The following ATG16L1 variants were observed in gnomAD, a reference collection of about 807,000 sequenced individuals.
ATG16L1 encodes the protein autophagy related 16 like 1.
In ATG16L1, 37 loss-of-function variants were observed where a neutral mutation model predicts 88.5. That is an observed-to-expected ratio of 0.42 (90% CI 0.32 to 0.55). The LOEUF (loss-of-function observed/expected upper bound fraction) is 0.55, where lower values mean the gene tolerates loss of function less well. Ranked by LOEUF, ATG16L1 falls within the 20% of genes least tolerant of loss-of-function variation. The pLI is 0.13. For synonymous variants in ATG16L1, 301 were observed against 281.0 expected, an observed-to-expected ratio of 1.07 and a Z score of -0.71; for missense variants, 554 against 752.8, an observed-to-expected ratio of 0.74 and a Z score of 3.09.
chr2:233,286,713 C>T (rs1226494776), intron 12 of ATG16L1, among the ~76,000 whole-genome samples: 1 of 146,940 alleles, frequency 6.8e-6, no homozygotes, highest in South Asian at 2.2e-4. Flanking sequence ...GCAAGCTCTG[C>T]CTCCTGGGTT....
At chr2:233,276,497 C>T (rs1698382506) in intron 9 of ATG16L1, among the ~76,000 whole-genome samples, 1 of 152,162 alleles carries the variant, frequency 6.6e-6, no homozygotes, top group Non-Finnish European at 1.5e-5. Flanking sequence ...GAATGGGATG[C>T]TGAGTCTCAC....
chr2:233,266,367 G>A (rs941687907), intron 5 of ATG16L1, among the ~76,000 whole-genome samples: 1 of 152,308 alleles, frequency 6.6e-6, no homozygotes, highest in Admixed American at 6.5e-5. Context: ...GCTGCTGCGG[G>A]AGAGTTGCTT....
chr2:233,262,463 C>T (rs908102026), intron 2 of ATG16L1, among the ~76,000 whole-genome samples: 1 of 152,212 alleles, frequency 6.6e-6, no homozygotes, highest in African/African-American at 2.4e-5. Context: ...TTCCCCACCT[C>T]GTCCTTGACC....
At chr2:233,252,271 C>T (rs1386542315) in intron 1 of ATG16L1, among the ~76,000 whole-genome samples, 1 of 152,184 alleles carries the variant, frequency 6.6e-6, no homozygotes, top group East Asian at 1.9e-4. Flanking sequence ...GTTAATGAAA[C>T]GGTCGTTGAC....
intron 12 of ATG16L1, among the ~76,000 whole-genome samples, chr2:233,286,869 C>T (rs1476398122): frequency 6.6e-6 from 1 of 151,842 alleles, no homozygotes; most frequent in African/African-American, 2.4e-5. Flanking sequence ...TTGTGATCCG[C>T]TCACCTCGGC....
chr2:233,294,254 A>G lies in ATG16L1; in HGVS notation c.1731-3A>G, dbSNP rs765778356. 6.3e-7 allele frequency: 1 copy of G among 1,597,962 alleles called. No homozygotes were observed. Among genetic ancestry groups the G allele is most frequent in the Non-Finnish European group, 8.5e-7 (1 of 1,172,434 alleles). On this transcript the variant is annotated splice_region_variant and splice_polypyrimidine_tract_variant and intron_variant, in intron 17 of 17. Coordinates refer to ENST00000392017, the MANE Select transcript of ATG16L1 (RefSeq NM_030803.7). Reference sequence around the variant, plus strand: ...TGGTGCTTTTCTGATCTCTCCTTTGAAGCTCATCCATCAATGCGGTGGCGT... The same window carrying G: ...TGGTGCTTTTCTGATCTCTCCTTTGGAGCTCATCCATCAATGCGGTGGCGT...
intron 5 of ATG16L1, among the ~76,000 whole-genome samples, chr2:233,265,610 C>T (rs1023385303): frequency 1.3e-5 from 2 of 152,164 alleles, no homozygotes; most frequent in African/African-American, 2.4e-5. Context: ...GCTGGGATTA[C>T]AGGCATACAC....
Position 233,295,394 on chromosome 2 carries a change from T to C in ATG16L1, c.*1044T>C, listed in dbSNP as rs1458406831. The C allele has an allele frequency of 1.3e-5, 2 of 152,722 alleles. No individual in the cohort carries two copies. Among genetic ancestry groups the C allele is most frequent in the Non-Finnish European group, 2.9e-5 (2 of 68,028 alleles). The allele number at this position is 152,722 out of a possible 1,614,324, so 9.5% of individuals were successfully genotyped here. A position where few individuals can be genotyped will look rare whatever the true frequency, so the allele number is the denominator to read the frequency against. On this transcript the variant is annotated 3_prime_UTR_variant, in exon 18 of 18. Transcript: ENST00000392017. ...TTATCACTTTTAAATTTGCACTTTA[T>C]TTTTTTTCTTCCATGCTTGTTCTCT...
chr2:233,293,118 A>G (rs1459471203), intron 16 of ATG16L1, 138 bp from the exon 17 acceptor site: 2 of 745,568 alleles, frequency 2.7e-6, no homozygotes, highest in Non-Finnish European at 2.3e-6. Flanking sequence ...GGCCATGACT[A>G]GCACACATTC....
At position 233,292,218 on chromosome 2, in the gene ATG16L1, C is replaced by T. The variant is rs1489214297; in HGVS notation, c.1521C>T (p.Ser507=). The T allele has an allele frequency of 6.2e-7, 1 of 1,614,212 alleles. No individual in the cohort carries two copies. The part of the protein sequence containing the change: ...NPERTELLSC[S]RDDLLKVIDL... ...AAAGGACTGAGCTCCTGAGCTGCTC[C>T]CGTGATGACTTGCTAAAAGTTATTG... The change falls in exon 15 of 18, where the codon TCC becomes TCT. Residue 507 remains serine (S), a synonymous_variant. Coordinates refer to ENST00000392017, the MANE Select transcript of ATG16L1 (RefSeq NM_030803.7).
intron 2 of ATG16L1, among the ~76,000 whole-genome samples, chr2:233,257,271 C>T (rs374648392): frequency 4.6e-5 from 7 of 152,122 alleles, no homozygotes; most frequent in African/African-American, 7.2e-5. Flanking sequence ...CCTCGTGATC[C>T]GCCCGCCTCG....
intron 1 of ATG16L1, among the ~76,000 whole-genome samples, chr2:233,253,353 T>TTTTTTTTTTTTG (rs1696543811): frequency 7.1e-6 from 1 of 140,950 alleles, no homozygotes. Context: ...TTTTTTTTTT[T>TTTTTTTTTTTTG]TTTTTTTTGG....
At position 233,264,810 on chromosome 2, in the gene ATG16L1, G is replaced by A. The variant is rs535105697; in HGVS notation, c.390-82G>A. ...AAAGATGTTGTAACAGACACAAAGTGTTAAGCACTCAGCCAGGTCCGTCTG... is the reference window on the plus strand; with the variant it reads ...AAAGATGTTGTAACAGACACAAAGTATTAAGCACTCAGCCAGGTCCGTCTG... On this transcript the variant is annotated intron_variant, in intron 4 of 17. Transcript: ENST00000392017. The A allele has an allele frequency of 3.9e-6, 6 of 1,557,172 alleles. No individual in the cohort carries two copies. The South Asian group carries it at 7.0e-5, about 18-fold the overall frequency.
At chr2:233,289,187 T>TG (rs1207123668) in intron 12 of ATG16L1, among the ~76,000 whole-genome samples, 1 of 152,124 alleles carries the variant, frequency 6.6e-6, no homozygotes, top group Non-Finnish European at 1.5e-5. Context: ...AGATTGAGGA[T>TG]GGGGAGCACG....
intron 12 of ATG16L1, chr2:233,282,993 C>G (rs1251619482): frequency 2.2e-6 from 1 of 456,588 alleles, no homozygotes; most frequent in Non-Finnish European, 4.0e-6. Context: ...TTGGAATACT[C>G]TTCATAAGGA....
intron 9 of ATG16L1, among the ~76,000 whole-genome samples, 193 bp downstream of exon 9, chr2:233,274,971 A>C (rs1283016927): frequency 1.3e-5 from 2 of 152,190 alleles, no homozygotes; most frequent in African/African-American, 4.8e-5. Flanking sequence ...ATTTGTTACA[A>C]CCATCCTCTG....
At chr2:233,288,032 C>A (rs969493288) in intron 12 of ATG16L1, among the ~76,000 whole-genome samples, 3 of 151,968 alleles carry the variant, frequency 2.0e-5, no homozygotes, top group Admixed American at 6.6e-5. Flanking sequence ...CTTGATCTTA[C>A]GGAAGGATCA....
At chr2:233,285,842 A>G (rs907327755) in intron 12 of ATG16L1, among the ~76,000 whole-genome samples, 1 of 152,150 alleles carries the variant, frequency 6.6e-6, no homozygotes, top group Non-Finnish European at 1.5e-5. Flanking sequence ...TGCTCTTACG[A>G]CAAGGGAATG....
At chr2:233,293,098 T>G (rs1413538114) in intron 16 of ATG16L1, among the ~76,000 whole-genome samples, 158 bp from the exon 17 acceptor site, 2 of 152,210 alleles carry the variant, frequency 1.3e-5, no homozygotes, top group African/African-American at 2.4e-5. Context: ...AAAGCAGATT[T>G]GGCTGGAAGG....
Sources: gnomAD v4.1 joint callset for allele counts (sites outside exome capture counted in the v4.1 genomes callset) on GRCh38, gnomAD v4.1.1 for gene constraint, MANE v1.5 for transcripts, NCBI Gene and HGNC (gene_info 2026-07-23, HGNC 2026-07-21) for gene names.